Variants in GTF2I observed in about 807,000 individuals in gnomAD.
The protein encoded by GTF2I is general transcription factor II-I.
Under a neutral mutation model 67.6 loss-of-function variants are expected in GTF2I, and 12 were observed. That is an observed-to-expected ratio of 0.18 (90% CI 0.11 to 0.29). GTF2I has a LOEUF of 0.29. Among genes scored for constraint, GTF2I ranks in the 10% least tolerant of loss-of-function variants. The pLI is 1.00. For synonymous variants in GTF2I, 149 were observed against 197.0 expected (o/e 0.76, Z 2.04); for missense variants, 271 against 580.1 (o/e 0.47, Z 5.47).
intron 3 of GTF2I, among the ~76,000 whole-genome samples, chr7:74,697,375 C>G (rs1391186329): frequency 6.6e-6 from 1 of 151,960 alleles, no homozygotes; most frequent in Non-Finnish European, 1.5e-5. Flanking sequence ...AGCCTGGTGA[C>G]AGAGCAAGAC....
At chr7:74,717,897 G>C (rs782736152) in intron 11 of GTF2I, among the ~76,000 whole-genome samples, 2 of 152,152 alleles carry the variant, frequency 1.3e-5, no homozygotes, top group African/African-American at 4.8e-5. Context: ...ATTGTAAACC[G>C]TTGGTTACAT....
At chr7:74,734,229 A>G (rs1794706122) in intron 16 of GTF2I, among the ~76,000 whole-genome samples, 1 of 136,822 alleles carries the variant, frequency 7.3e-6, no homozygotes, top group African/African-American at 2.8e-5. Context: ...CAGAAGTAAA[A>G]GAACAATATT....
At chr7:74,732,130 T>TATACAC (rs1379670981) in intron 14 of GTF2I, among the ~76,000 whole-genome samples, 37 of 141,820 alleles carry the variant, frequency 2.6e-4, no homozygotes, top group African/African-American at 9.5e-4. Flanking sequence ...TATATATACA[T>TATACAC]ATACACATAT....
At chr7:74,690,835 T>TA in intron 2 of GTF2I, 138 bp from the exon 3 acceptor site, 1 of 786,346 alleles carries the variant, frequency 1.3e-6, no homozygotes, top group South Asian at 1.6e-5. Context: ...TGTGTTGTCT[T>TA]TTGTTTAAAA....
chr7:74,724,401 T>A (rs901357913), intron 12 of GTF2I, among the ~76,000 whole-genome samples: 1 of 152,204 alleles, frequency 6.6e-6, no homozygotes, highest in Non-Finnish European at 1.5e-5. Context: ...TGTAACATAG[T>A]CTATTTATTG....
At chr7:74,685,741 T>A (rs1198879420) in intron 1 of GTF2I, among the ~76,000 whole-genome samples, 1 of 148,610 alleles carries the variant, frequency 6.7e-6, no homozygotes, top group Non-Finnish European at 1.5e-5. Flanking sequence ...CACTCCAGCC[T>A]CGGCGATAGA....
chr7:74,694,524 T>C (rs1584160593), intron 3 of GTF2I, among the ~76,000 whole-genome samples: 1 of 152,048 alleles, frequency 6.6e-6, no homozygotes, highest in Admixed American at 6.5e-5. Context: ...GAGGCGGAGG[T>C]TGCAGTGAGC....
chr7:74,663,614 A>G (rs1804709237), intron 1 of GTF2I, among the ~76,000 whole-genome samples: 1 of 152,128 alleles, frequency 6.6e-6, no homozygotes, highest in African/African-American at 2.4e-5. Flanking sequence ...AAGGTTATTC[A>G]TTGTTAATAA....
intron 12 of GTF2I, among the ~76,000 whole-genome samples, chr7:74,720,787 G>A (rs587716578): frequency 1.4e-5 from 2 of 140,950 alleles, no homozygotes; most frequent in South Asian, 2.2e-4. Flanking sequence ...CTGTCGCCCA[G>A]GCTGGAGTGC....
At chr7:74,707,407 C>G (rs767702420) in intron 8 of GTF2I, among the ~76,000 whole-genome samples, 2 of 152,200 alleles carry the variant, frequency 1.3e-5, no homozygotes, top group Non-Finnish European at 2.9e-5. Flanking sequence ...TGTCAGCCTT[C>G]TCATTCTGCC....
chr7:74,712,487 A>AGTGTGTGT (rs142200093), intron 9 of GTF2I, among the ~76,000 whole-genome samples: 61 of 131,842 alleles, frequency 4.6e-4, no homozygotes, highest in African/African-American at 1.5e-3. Flanking sequence ...TTCTCCCGGG[A>AGTGTGTGT]GTGTGTGTGT....
At position 74,720,338 on chromosome 7, in the gene GTF2I, TTA is replaced by T. The variant is rs587661189; in HGVS notation, c.943+1399_943+1400del. 1.4e-3 allele frequency among the ~76,000 whole-genome samples: 219 copies of T among 152,330 alleles called. 1 individual carries two copies. The highest frequency in any genetic ancestry group is 4.9e-3 in the African/African-American group (205 of 41,576). ...CCTGTCACCTACTGATGTCACTTGGTTATTTCTAGTGTTTGACTACTCCAAAC... is the reference window on the plus strand; with the variant it reads ...CCTGTCACCTACTGATGTCACTTGGTTTTCTAGTGTTTGACTACTCCAAAC... On this transcript the variant is annotated intron_variant, in intron 12 of 34. Coordinates refer to ENST00000573035, the MANE Select transcript of GTF2I (RefSeq NM_032999.4).
chr7:74,671,079 CTTTTT>C (rs869137920), intron 1 of GTF2I, among the ~76,000 whole-genome samples: 2 of 61,782 alleles, frequency 3.2e-5, no homozygotes, highest in African/African-American at 1.4e-4. Flanking sequence ...TGGGCAGATC[CTTTTT>C]TTTTTTTTTT....
At chr7:74,698,216 A>G (rs1357650144) in intron 3 of GTF2I, among the ~76,000 whole-genome samples, 3 of 151,890 alleles carry the variant, frequency 2.0e-5, no homozygotes, top group Non-Finnish European at 2.9e-5. Context: ...CGGCCTCCCA[A>G]AGTGCAGGGA....
At chr7:74,678,218 CTTTTTTT>C (rs66564149) in intron 1 of GTF2I, among the ~76,000 whole-genome samples, 2 of 119,566 alleles carry the variant, frequency 1.7e-5, no homozygotes, top group Middle Eastern at 4.1e-3. Flanking sequence ...CTGAGCCCGG[CTTTTTTT>C]TTTTTTTTTT....
At chr7:74,708,162 G>T (rs1244038771) in intron 8 of GTF2I, among the ~76,000 whole-genome samples, 1 of 152,104 alleles carries the variant, frequency 6.6e-6, no homozygotes, top group African/African-American at 2.4e-5. Flanking sequence ...AATTAGCAGG[G>T]CATGGTGGTG....
At chr7:74,708,999 A>C (rs1470705140) in intron 8 of GTF2I, among the ~76,000 whole-genome samples, 1 of 152,206 alleles carries the variant, frequency 6.6e-6, no homozygotes, top group Non-Finnish European at 1.5e-5. Flanking sequence ...GTCGCGAGCT[A>C]TGTTACCTGC....
chr7:74,681,331 A>G (rs1159429869), intron 1 of GTF2I, among the ~76,000 whole-genome samples: 1 of 152,164 alleles, frequency 6.6e-6, no homozygotes, highest in African/African-American at 2.4e-5. Context: ...ACTACTTGGG[A>G]GGCTGAGGCA....
chr7:74,727,861 T>C (rs1794050799), intron 12 of GTF2I: 1 of 152,212 alleles, frequency 6.6e-6, no homozygotes, highest in Non-Finnish European at 1.5e-5. Flanking sequence ...CACGGAACTC[T>C]CACAACAGCG....
Sources: gnomAD v4.1 joint callset for allele counts (sites outside exome capture counted in the v4.1 genomes callset) on GRCh38, gnomAD v4.1.1 for gene constraint, MANE v1.5 for transcripts, NCBI Gene and HGNC (gene_info 2026-07-23, HGNC 2026-07-21) for gene names.